GLT1D1: variants seen among roughly 807,000 people sequenced by gnomAD.
The protein encoded by GLT1D1 is glycosyltransferase 1 domain containing 1.
GLT1D1 carries 21 observed loss-of-function variants against 28.7 expected under a neutral mutation model. The ratio of observed to expected loss-of-function variants is 0.73; its 90% CI spans 0.52 to 1.05. The LOEUF is 1.05. Among genes scored for constraint, GLT1D1 ranks in the 50% least tolerant of loss-of-function variants. The pLI is 0.00. For missense variants in GLT1D1, 343 were observed against 330.6 expected (o/e 1.04, Z -0.29); for synonymous variants, 147 against 124.8 (o/e 1.18, Z -1.19).
At chr12:128,933,385 C>A (rs28529247) in intron 4 of GLT1D1, among the ~76,000 whole-genome samples, 15,481 of 152,342 alleles carry the variant, frequency 0.1, 2,074 homozygotes, top group African/African-American at 0.31. Flanking sequence ...GAACAATACG[C>A]TTTCTTTTAC....
intron 7 of GLT1D1, among the ~76,000 whole-genome samples, chr12:128,975,268 G>T (rs1879657277): frequency 6.6e-6 from 1 of 152,104 alleles, no homozygotes; most frequent in Admixed American, 6.6e-5. Flanking sequence ...TCATGACTGG[G>T]GGCGGGGGGA....
At chr12:128,918,136 G>A (rs1323915552) in intron 4 of GLT1D1, among the ~76,000 whole-genome samples, 2 of 152,154 alleles carry the variant, frequency 1.3e-5, no homozygotes, top group Non-Finnish European at 2.9e-5. Flanking sequence ...CCATAAAAAC[G>A]AACAAGATCA....
intron 4 of GLT1D1, chr12:128,944,438 T>G: frequency 7.4e-7 from 1 of 1,342,580 alleles, no homozygotes; most frequent in Non-Finnish European, 1.1e-6. Context: ...GCCTTTAGTC[T>G]CTTGATAACC....
At chr12:128,968,927 G>A (rs1474791006) in intron 7 of GLT1D1, among the ~76,000 whole-genome samples, 5 of 152,024 alleles carry the variant, frequency 3.3e-5, no homozygotes, top group East Asian at 1.9e-4. Flanking sequence ...TGCTGCTGCC[G>A]TGGCAACTCC....
At position 128,876,071 on chromosome 12, in the gene GLT1D1, C is replaced by G. The variant is rs752833678; in HGVS notation, c.217+9C>G. The G allele has an allele frequency of 6.3e-7, 1 of 1,592,102 alleles. No individual in the cohort carries two copies. Among genetic ancestry groups the G allele is most frequent in the Non-Finnish European group, 8.5e-7 (1 of 1,171,052 alleles). ...AGGCAGGCTTTTGCAAGGTAATCCT[C>G]TTTTTCTTCAAAAGTAAAACACTAG... is the stretch of plus-strand genomic sequence containing the variant. On this transcript the variant is annotated intron_variant, in intron 2 of 7. Transcript: ENST00000281703.
intron 4 of GLT1D1, among the ~76,000 whole-genome samples, chr12:128,905,957 T>C (rs761856888): frequency 6.6e-6 from 1 of 151,738 alleles, no homozygotes; most frequent in Non-Finnish European, 1.5e-5. Flanking sequence ...CTCAGCCTCC[T>C]GGGTAGCTGG....
rs191652838 is a variant in GLT1D1 at position 128,921,060 on chromosome 12, C to T, written c.375+21773C>T. Among the ~76,000 whole-genome samples the T allele has an allele frequency of 7.2e-4, 109 of 152,212 alleles. 1 individual carries two copies. Among genetic ancestry groups the T allele is most frequent in the African/African-American group, 2.4e-3 (99 of 41,550 alleles). ...TGTAATTCATCAGAGTTGATGCTTACGTGTGATGAGCCTGAGCCCTTGAAC... is the reference window on the plus strand; with the variant it reads ...TGTAATTCATCAGAGTTGATGCTTATGTGTGATGAGCCTGAGCCCTTGAAC... On this transcript the variant is annotated intron_variant, in intron 4 of 7. Transcript: ENST00000281703.
intron 4 of GLT1D1, among the ~76,000 whole-genome samples, chr12:128,904,931 G>C (rs925133545): frequency 6.6e-6 from 1 of 151,940 alleles, no homozygotes; most frequent in African/African-American, 2.4e-5. Context: ...ACTATGCCTG[G>C]CTAATTTTTG....
intron 2 of GLT1D1, among the ~76,000 whole-genome samples, chr12:128,882,414 T>G (rs1257041587): frequency 2.0e-5 from 3 of 151,710 alleles, no homozygotes; most frequent in Non-Finnish European, 4.4e-5. Context: ...GTAGCTGGGA[T>G]TATAGGCGCC....
intron 4 of GLT1D1, among the ~76,000 whole-genome samples, chr12:128,909,051 G>T (rs1871265026): frequency 6.6e-6 from 1 of 152,180 alleles, no homozygotes; most frequent in South Asian, 2.1e-4. Context: ...TCCCGTTTCT[G>T]ACCTGTGCCA....
chr12:128,968,951 C>T (rs963896724), intron 7 of GLT1D1, among the ~76,000 whole-genome samples: 1 of 152,088 alleles, frequency 6.6e-6, no homozygotes, highest in African/African-American at 2.4e-5. Flanking sequence ...TCACTCGGCC[C>T]CGTCTTTCCT....
intron 4 of GLT1D1, among the ~76,000 whole-genome samples, chr12:128,930,056 T>C (rs2135924450): frequency 6.6e-6 from 1 of 152,322 alleles, no homozygotes; most frequent in South Asian, 2.1e-4. Flanking sequence ...TAAATTACGC[T>C]TAAATGTGGC....
chr12:128,866,539 T>C (rs2135773125), intron 1 of GLT1D1, among the ~76,000 whole-genome samples: 1 of 149,800 alleles, frequency 6.7e-6, no homozygotes, highest in African/African-American at 2.5e-5. Flanking sequence ...TGCTCTCTAC[T>C]TCTGTGTGCT....
At chr12:128,932,869 A>AC (rs1250857771) in intron 4 of GLT1D1, among the ~76,000 whole-genome samples, 1 of 152,286 alleles carries the variant, frequency 6.6e-6, no homozygotes, top group East Asian at 1.9e-4. Flanking sequence ...GAAAAGCAAT[A>AC]GCCACCGCCA....
rs1324415843 is a variant in GLT1D1 at position 128,917,546 on chromosome 12, G to A, written c.375+18259G>A. Among the ~76,000 whole-genome samples the A allele has an allele frequency of 9.2e-5, 14 of 152,056 alleles. No individual in the cohort carries two copies. The South Asian group carries it at 1.0e-3, about 11-fold the overall frequency. On this transcript the variant is annotated intron_variant, in intron 4 of 7. Coordinates refer to ENST00000281703, the MANE Select transcript of GLT1D1 (RefSeq NM_144669.3). ...ATCTGCCTCAGCTTCCCAAAGTGCC[G>A]GGATTACAGGCATGAGCCACCTCGC...
chr12:128,889,336 G>C (rs1868768806), intron 3 of GLT1D1, among the ~76,000 whole-genome samples: 1 of 152,248 alleles, frequency 6.6e-6, no homozygotes, highest in Middle Eastern at 3.4e-3. Context: ...CTGTGGCTTA[G>C]GCCTTTTCCT....
chr12:128,970,486 A>G (rs1048698356), intron 7 of GLT1D1, among the ~76,000 whole-genome samples: 5 of 151,958 alleles, frequency 3.3e-5, no homozygotes, highest in Admixed American at 2.0e-4. Context: ...CCCCGCAGCC[A>G]CAGGCACCAA....
At chr12:128,895,910 C>A (rs780653135) in intron 3 of GLT1D1, among the ~76,000 whole-genome samples, 3 of 151,948 alleles carry the variant, frequency 2.0e-5, no homozygotes. Flanking sequence ...GTGGCCAGTT[C>A]GATGAAACGG....
chr12:128,933,723 A>G lies in GLT1D1; in HGVS notation c.376-11603A>G, dbSNP rs1344221506. Among the ~76,000 whole-genome samples, 3 of 152,116 alleles carry G rather than the reference A, an allele frequency of 2.0e-5. No homozygotes were observed. The East Asian group carries it at 5.8e-4, about 29-fold the overall frequency. ...CAGACACCCTTCCCCTGACCACCCAACTGAAACTCCCTCTCTTCCATCATC... is the reference window on the plus strand; with the variant it reads ...CAGACACCCTTCCCCTGACCACCCAGCTGAAACTCCCTCTCTTCCATCATC... On this transcript the variant is annotated intron_variant, in intron 4 of 7. Coordinates refer to ENST00000281703, the MANE Select transcript of GLT1D1 (RefSeq NM_144669.3).
Sources: allele counts gnomAD v4.1 joint callset (sites outside exome capture counted in the v4.1 genomes callset), GRCh38; gene constraint gnomAD v4.1.1; transcripts MANE v1.5; gene names NCBI Gene and HGNC (gene_info 2026-07-23, HGNC 2026-07-21).